The following DCDC1 variants were observed in gnomAD, a reference collection of about 807,000 sequenced individuals.
DCDC1 encodes doublecortin domain-containing protein 1.
DCDC1 carries 200 observed loss-of-function variants against 178.3 expected under a neutral mutation model. That is an observed-to-expected ratio of 1.12 (90% CI 1.00 to 1.26). The LOEUF (loss-of-function observed/expected upper bound fraction) is 1.26, where lower values mean the gene tolerates loss of function less well. Among genes scored for constraint, DCDC1 ranks in the 50% most tolerant of loss-of-function variants. The pLI, the probability that DCDC1 is intolerant of heterozygous loss-of-function variation, is 0.00. For synonymous variants in DCDC1, 690 were observed against 604.8 expected (o/e 1.14, Z -2.07); for missense variants, 1,983 against 1,749.2 (o/e 1.13, Z -2.38).
chr11:31,306,102 GTATATA>G, intron 5 of DCDC1, 124 bp downstream of exon 5: 1 of 915,950 alleles, frequency 1.1e-6, no homozygotes, highest in Non-Finnish European at 1.5e-6. Context: ...TGAAATCTAC[GTATATA>G]TAAGCAATCG....
chr11:31,057,121 T>C lies in DCDC1; in HGVS notation c.2591+7348A>G, dbSNP rs535449819. Reference sequence around the variant, plus strand: ...GTGGTGCGTGCCTGTAATCCAGATATTCATCAGGAGGCTGAGGCACAAGAA... The same window carrying C: ...GTGGTGCGTGCCTGTAATCCAGATACTCATCAGGAGGCTGAGGCACAAGAA... On this transcript the variant is annotated intron_variant, in intron 20 of 38. Coordinates refer to ENST00000684477, the MANE Select transcript of DCDC1 (RefSeq NM_001387274.1). 4.6e-5 allele frequency among the ~76,000 whole-genome samples: 7 copies of C among 151,876 alleles called. No homozygotes were observed. In the South Asian group the frequency reaches 1.0e-3, roughly 23 times the overall value.
chr11:30,884,033 A>ATTTTTTTTTTTTTTTTTTT lies in DCDC1; in HGVS notation c.5083-2726_5083-2725insAAAAAAAAAAAAAAAAAAA, dbSNP rs59940255. 3.7e-4 allele frequency among the ~76,000 whole-genome samples: 35 copies of ATTTTTTTTTTTTTTTTTTT among 95,768 alleles called. 5 individuals carry two copies. The highest frequency in any genetic ancestry group is 5.6e-4 in the Non-Finnish European group (28 of 49,918). 62.8% of individuals were successfully genotyped at this position (95,768 alleles called of 152,430 possible). A position where few individuals can be genotyped will look rare whatever the true frequency, so the allele number is the denominator to read the frequency against. On this transcript the variant is annotated intron_variant, in intron 36 of 38. Coordinates refer to ENST00000684477, the MANE Select transcript of DCDC1 (RefSeq NM_001387274.1). ...AAAGAAAACCAAAGCATTCTTTCTC[A>ATTTTTTTTTTTTTTTTTTT]TTTTTTTTTTTTTTTGAGACAGGGT...
intron 20 of DCDC1, among the ~76,000 whole-genome samples, chr11:30,985,429 G>T (rs1456874421): frequency 6.6e-6 from 1 of 151,988 alleles, no homozygotes; most frequent in African/African-American, 2.4e-5. Context: ...AAGTATGTGG[G>T]TTTCTTTTTT....
At chr11:31,075,952 C>T (rs929846837) in intron 18 of DCDC1, among the ~76,000 whole-genome samples, 2 of 152,158 alleles carry the variant, frequency 1.3e-5, no homozygotes, top group African/African-American at 2.4e-5. Flanking sequence ...CTCCGCCTCC[C>T]GGGTTCAAGT....
intron 9 of DCDC1, among the ~76,000 whole-genome samples, chr11:31,187,103 A>G (rs1037186281): frequency 1.3e-5 from 2 of 152,156 alleles, no homozygotes; most frequent in African/African-American, 2.4e-5. Context: ...CCCCACTTCA[A>G]CATACATATC....
chr11:30,925,480 A>G lies in DCDC1; in HGVS notation c.2898-72T>C. ...AGCAGCAAAGAGAGAAAATAAAAGAAATCTGGGGCCTGAATCCATAATGAC... is the reference window on the plus strand; with the variant it reads ...AGCAGCAAAGAGAGAAAATAAAAGAGATCTGGGGCCTGAATCCATAATGAC... On this transcript the variant is annotated intron_variant, in intron 22 of 38. Coordinates refer to ENST00000684477, the MANE Select transcript of DCDC1 (RefSeq NM_001387274.1). 2.2e-6 allele frequency: 3 copies of G among 1,335,222 alleles called. No homozygotes were observed. The Admixed American group carries it at 5.5e-5, about 24-fold the overall frequency. The allele number at this position is 1,335,222 out of a possible 1,614,324, so 82.7% of individuals were successfully genotyped here. A position where few individuals can be genotyped will look rare whatever the true frequency, so the allele number is the denominator to read the frequency against.
chr11:31,265,607 AG>A lies in DCDC1; in HGVS notation c.961-8del, dbSNP rs1409353858. 1.5e-5 allele frequency: 20 copies of A among 1,323,892 alleles called. No homozygotes were observed. The highest frequency in any genetic ancestry group is 2.0e-5 in the Non-Finnish European group (20 of 1,015,910). 82.0% of individuals were successfully genotyped at this position (1,323,892 alleles called of 1,614,324 possible). A position where few individuals can be genotyped will look rare whatever the true frequency, so the allele number is the denominator to read the frequency against. On this transcript the variant is annotated splice_region_variant and splice_polypyrimidine_tract_variant and intron_variant, in intron 7 of 38. Transcript: ENST00000684477. ...TTGTACAAGTATCTAAAACCTGTGC[AG>A]GAAAAAAAAATTATAAATAATTTAG...
chr11:30,910,084 A>G (rs1445748747), intron 28 of DCDC1, among the ~76,000 whole-genome samples: 1 of 152,210 alleles, frequency 6.6e-6, no homozygotes, highest in African/African-American at 2.4e-5. Flanking sequence ...AGGGACAGAA[A>G]AGGGTCTAGT....
intron 15 of DCDC1, among the ~76,000 whole-genome samples, chr11:31,094,447 G>A (rs572696042): frequency 6.6e-6 from 1 of 152,140 alleles, no homozygotes; most frequent in South Asian, 2.1e-4. Flanking sequence ...ACAGAGTAGA[G>A]GCAACTTCTC....
In DCDC1 at chr11:31,186,260, T is replaced by C. The variant is rs181475472; in HGVS notation, c.1222-48476A>G. On this transcript the variant is annotated intron_variant, in intron 9 of 38. Transcript: ENST00000684477. The stretch of plus-strand genomic sequence containing the variant: ...CACTTAGCCATACTCTCCTTGTTCC[T>C]CCACAAACTCTCCTTACTCATTTTA... 4.9e-3 allele frequency among the ~76,000 whole-genome samples: 750 copies of C among 152,288 alleles called. 7 individuals are homozygous for C. Among genetic ancestry groups the C allele is most frequent in the Non-Finnish European group, 7.8e-3 (533 of 68,032 alleles).
intron 13 of DCDC1, among the ~76,000 whole-genome samples, chr11:31,105,956 T>TA (rs1320903950): frequency 1.3e-5 from 2 of 152,124 alleles, no homozygotes; most frequent in Admixed American, 6.6e-5. Context: ...GATAATAAGC[T>TA]AAAAAAATTA....
At chr11:31,028,649 C>T (rs974203395) in intron 20 of DCDC1, among the ~76,000 whole-genome samples, 1 of 151,950 alleles carries the variant, frequency 6.6e-6, no homozygotes, top group African/African-American at 2.4e-5. Context: ...TGCAAAGTCA[C>T]ACTGTGATAA....
At chr11:31,252,267 G>A (rs998880835) in intron 8 of DCDC1, among the ~76,000 whole-genome samples, 2 of 152,234 alleles carry the variant, frequency 1.3e-5, no homozygotes, top group East Asian at 1.9e-4. Context: ...CCGGGTGACA[G>A]ATTAAATATC....
intron 20 of DCDC1, among the ~76,000 whole-genome samples, chr11:31,004,478 C>G (rs567112518): frequency 6.6e-6 from 1 of 150,620 alleles, no homozygotes; most frequent in Non-Finnish European, 1.5e-5. Context: ...TCGAGACCAT[C>G]CTGGCTAACA....
chr11:31,260,618 T>C (rs765012057), intron 8 of DCDC1, among the ~76,000 whole-genome samples: 10 of 152,196 alleles, frequency 6.6e-5, no homozygotes, highest in Non-Finnish European at 1.2e-4. Flanking sequence ...ACAGTACTCA[T>C]TATGATCTAG....
Position 30,905,254 on chromosome 11 carries a change from G to A in DCDC1, c.4105-90C>T, listed in dbSNP as rs114816990. 2.1e-4 allele frequency: 274 copies of A among 1,285,530 alleles called. 1 individual carries two copies. The highest frequency in any genetic ancestry group is 1.6e-3 in the East Asian group (65 of 39,396). The allele number at this position is 1,285,530 out of a possible 1,614,324, so 79.6% of individuals were successfully genotyped here. A position where few individuals can be genotyped will look rare whatever the true frequency, so the allele number is the denominator to read the frequency against. ...AGTCTCTTAATAAATGTGTGTATAC[G>A]TGTGTGGTGTCTACATTTTGCAATG... On this transcript the variant is annotated intron_variant, in intron 30 of 38. Transcript: ENST00000684477.
rs947469892 is a variant in DCDC1 at position 30,900,274 on chromosome 11, A to G, written c.4663+72T>C. 6.9e-5 allele frequency: 88 copies of G among 1,272,480 alleles called. No individual in the cohort carries two copies. The Admixed American group carries it at 8.3e-4, about 12-fold the overall frequency. 78.8% of individuals were successfully genotyped at this position (1,272,480 alleles called of 1,614,324 possible). On this transcript the variant is annotated intron_variant, in intron 33 of 38. Transcript: ENST00000684477. ...TTATACACATTTAATTCATTTTCTT[A>G]TGATGGCATAAAATGTATTTCTCTC...
chr11:31,326,026 A>C (rs191095889), intron 3 of DCDC1, among the ~76,000 whole-genome samples: 2 of 152,028 alleles, frequency 1.3e-5, no homozygotes, highest in Non-Finnish European at 2.9e-5. Context: ...GAAACTCATC[A>C]TTTTCTTTTT....
At chr11:31,173,610 T>C (rs208085) in intron 9 of DCDC1, among the ~76,000 whole-genome samples, 85,780 of 151,878 alleles carry the variant, frequency 0.56, 25,144 homozygotes, top group East Asian at 0.93. Flanking sequence ...ATTTAGGTTA[T>C]AGGAAACAGG....
Sources: allele counts gnomAD v4.1 joint callset (sites outside exome capture counted in the v4.1 genomes callset), GRCh38; gene constraint gnomAD v4.1.1; transcripts MANE v1.5; gene names NCBI Gene and HGNC (gene_info 2026-07-23, HGNC 2026-07-21).